The following BOC variants were observed in gnomAD, a reference collection of about 807,000 sequenced individuals.
BOC encodes the protein BOC cell adhesion associated, oncogene regulated, also known as brother of CDO.
In BOC, 76 loss-of-function variants were observed where a neutral mutation model predicts 112.0. That is an observed-to-expected ratio of 0.68 (90% CI 0.56 to 0.82). The LOEUF is 0.82. BOC is among the 40% of genes least tolerant of loss of function. The pLI, the probability that BOC is intolerant of heterozygous loss-of-function variation, is 0.00. For synonymous variants in BOC, 580 were observed against 599.8 expected, an observed-to-expected ratio of 0.97 and a Z score of 0.48; for missense variants, 1,309 against 1,511.7, an observed-to-expected ratio of 0.87 and a Z score of 2.22.
At chr3:113,214,892 T>C (rs1011295012) in intron 1 of BOC, among the ~76,000 whole-genome samples, 9 of 152,388 alleles carry the variant, frequency 5.9e-5, no homozygotes, top group Middle Eastern at 6.8e-3. Context: ...CCTCAGTTTT[T>C]ATTTATTGTA....
chr3:113,247,190 C>T (rs1300140908), intron 2 of BOC, among the ~76,000 whole-genome samples: 3 of 152,094 alleles, frequency 2.0e-5, no homozygotes, highest in African/African-American at 7.2e-5. Context: ...CCCTTCCTTC[C>T]CTTCTTGGGG....
rs755231454 is a variant in BOC, at chr3:113,250,695, G to T, written c.238G>T (p.Asp80Tyr). ...LNGKELNGSD[D>Y]ALGVLITHGT... ...TGGAAAGGAGCTGAATGGCTCGGAT[G>T]ATGCTCTGGGTGTCCTCATCACCCA... Residue 80 changes from aspartate (D) to tyrosine (Y), a missense_variant, in exon 4 of 20, where the codon GAT becomes TAT. Transcript: ENST00000682979. The T allele has an allele frequency of 1.9e-6, 3 of 1,614,164 alleles. No individual in the cohort carries two copies. In the East Asian group the frequency reaches 6.7e-5, roughly 36 times the overall value.
At chr3:113,250,904 C>T (rs1476238545) in intron 4 of BOC, 71 bp downstream of exon 4, 2 of 1,562,452 alleles carry the variant, frequency 1.3e-6, no homozygotes, top group African/African-American at 2.7e-5. Flanking sequence ...AAGCCCCCAC[C>T]ATTCATGCTG....
At position 113,286,824 on chromosome 3, in the gene BOC, G is replaced by A. The variant is rs1160359054; in HGVS notation, c.3310G>A (p.Val1104Met). 5.0e-6 allele frequency: 8 copies of A among 1,605,292 alleles called. No homozygotes were observed. Among genetic ancestry groups the A allele is most frequent in the Non-Finnish European group, 6.8e-6 (8 of 1,176,456 alleles). Residue 1104 changes from valine (V) to methionine (M), a missense_variant, in exon 20 of 20, where the codon GTG becomes ATG. Coordinates refer to ENST00000682979, the MANE Select transcript of BOC (RefSeq NM_001378074.1). ...AATGCAGCTCTCCCCGGGGCCACTGGTGCGTGTGTCTTTTGAAACACCACC... is the reference window on the plus strand; with the variant it reads ...AATGCAGCTCTCCCCGGGGCCACTGATGCGTGTGTCTTTTGAAACACCACC... ...PGMQLSPGPL[V>M]RVSFETPPLT...
intron 2 of BOC, among the ~76,000 whole-genome samples, chr3:113,221,350 G>A (rs1301503016): frequency 6.6e-6 from 1 of 152,208 alleles, no homozygotes; most frequent in Non-Finnish European, 1.5e-5. Context: ...TTTACGGAGA[G>A]AAAGAAATGT....
intron 1 of BOC, among the ~76,000 whole-genome samples, chr3:113,214,560 C>G (rs1938959106): frequency 1.3e-5 from 2 of 152,168 alleles, no homozygotes; most frequent in African/African-American, 4.8e-5. Context: ...TAATTGCTAT[C>G]CAATACCTTG....
intron 2 of BOC, among the ~76,000 whole-genome samples, chr3:113,237,835 C>T (rs998644599): frequency 3.9e-5 from 6 of 152,182 alleles, no homozygotes; most frequent in African/African-American, 9.7e-5. Context: ...CGTTCTTTCT[C>T]GATCCTAGAT....
At chr3:113,271,307 C>A in intron 6 of BOC, 1 of 460,142 alleles carries the variant, frequency 2.2e-6, no homozygotes. Flanking sequence ...GAACAGATGG[C>A]CACGTGGGAG....
chr3:113,268,462 C>T lies in BOC; in HGVS notation c.523+17C>T. Reference sequence around the variant, plus strand: ...CCTCCAGAGGTGAGTGGGCAGGAGCCCAGAGGCCAAGGCTGAGGCCAGAAG... The same window carrying T: ...CCTCCAGAGGTGAGTGGGCAGGAGCTCAGAGGCCAAGGCTGAGGCCAGAAG... On this transcript the variant is annotated intron_variant, in intron 5 of 19. Transcript: ENST00000682979. 6.2e-7 allele frequency: 1 copy of T among 1,612,482 alleles called. No individual in the cohort carries two copies. Among genetic ancestry groups the T allele is most frequent in the Non-Finnish European group, 8.5e-7 (1 of 1,179,366 alleles).
chr3:113,254,324 A>C (rs1945983024), intron 4 of BOC, among the ~76,000 whole-genome samples: 1 of 152,162 alleles, frequency 6.6e-6, no homozygotes, highest in Admixed American at 6.5e-5. Flanking sequence ...GAGAGCAGGC[A>C]TGGGGGGCTG....
intron 2 of BOC, among the ~76,000 whole-genome samples, chr3:113,217,843 G>A (rs538439267): frequency 6.5e-4 from 99 of 152,302 alleles, no homozygotes; most frequent in Non-Finnish European, 9.4e-4. Flanking sequence ...TGGGTCTTAA[G>A]TTCCTAAAAC....
intron 2 of BOC, among the ~76,000 whole-genome samples, chr3:113,220,051 GC>G (rs11329029): frequency 0.94 from 143,067 of 152,058 alleles, 67,510 homozygotes; most frequent in Non-Finnish European, 0.98. Flanking sequence ...AAGATATTTG[GC>G]CCAGTAGATA....
intron 2 of BOC, among the ~76,000 whole-genome samples, chr3:113,217,047 T>C (rs1219541129): frequency 6.6e-6 from 1 of 152,124 alleles, no homozygotes; most frequent in African/African-American, 2.4e-5. Context: ...TAGGTGGAGG[T>C]TGGCGCCTTC....
Position 113,284,860 on chromosome 3 carries a change from TA to T in BOC, c.2966+4del. On this transcript the variant is annotated splice_donor_region_variant and intron_variant, in intron 18 of 19. Coordinates refer to ENST00000682979, the MANE Select transcript of BOC (RefSeq NM_001378074.1). ...CCCCCAAAGTCACCAGATCACGAGG[TA>T]ACCAGGCCTCTCCCCTTTCACTCCC... 1 of 1,613,870 alleles carries T rather than the reference TA, an allele frequency of 6.2e-7. No homozygotes were observed. The highest frequency in any genetic ancestry group is 8.5e-7 in the Non-Finnish European group (1 of 1,179,762).
chr3:113,263,663 T>C (rs1332100287), intron 4 of BOC, among the ~76,000 whole-genome samples: 3 of 152,228 alleles, frequency 2.0e-5, no homozygotes, highest in African/African-American at 2.4e-5. Flanking sequence ...CAATTAATAT[T>C]TGACAATTTG....
rs779654532 is a variant in BOC, at chr3:113,264,908, G to A, written c.377-3391G>A. On this transcript the variant is annotated intron_variant, in intron 4 of 19. Transcript: ENST00000682979. ...AGCCAGGAAGGCTCGCCTGCCAGTC[G>A]CCCCTTGTGGGGAGCTGGATGTCCA... Among the ~76,000 whole-genome samples the A allele has an allele frequency of 4.7e-4, 72 of 152,196 alleles. 1 individual carries two copies. Among genetic ancestry groups the A allele is most frequent in the Non-Finnish European group, 5.0e-4 (34 of 68,034 alleles).
chr3:113,244,119 T>C (rs1226657108), intron 2 of BOC, among the ~76,000 whole-genome samples: 1 of 152,176 alleles, frequency 6.6e-6, no homozygotes, highest in Non-Finnish European at 1.5e-5. Flanking sequence ...ACTAGTCACA[T>C]GGCCCTAAGC....
chr3:113,228,308 A>AAATG (rs1942015000), intron 2 of BOC, among the ~76,000 whole-genome samples: 13 of 150,332 alleles, frequency 8.6e-5, no homozygotes, highest in African/African-American at 2.5e-4. Flanking sequence ...TTCGAATCCT[A>AAATG]GGGGACACTG....
intron 4 of BOC, 143 bp from the exon 5 acceptor site, chr3:113,268,156 G>T (rs1386902369): frequency 1.5e-6 from 2 of 1,296,920 alleles, no homozygotes; most frequent in African/African-American, 3.0e-5. Context: ...ACAAGGGGCT[G>T]GAGGAAGAAC....
Sources: gnomAD v4.1 joint callset for allele counts (sites outside exome capture counted in the v4.1 genomes callset) on GRCh38, gnomAD v4.1.1 for gene constraint, MANE v1.5 for transcripts, NCBI Gene and HGNC (gene_info 2026-07-23, HGNC 2026-07-21) for gene names.